KCNC3: variants seen among roughly 807,000 people sequenced by gnomAD.
The protein encoded by KCNC3 is voltage-gated potassium channel KCNC3.
In KCNC3, 22 loss-of-function variants were observed where a neutral mutation model predicts 43.9. That is an observed-to-expected ratio of 0.50 (90% CI 0.36 to 0.72). The LOEUF (loss-of-function observed/expected upper bound fraction) is 0.72, where lower values mean the gene tolerates loss of function less well. Ranked by LOEUF, KCNC3 falls within the 30% of genes least tolerant of loss-of-function variation. The pLI is 0.00. For missense variants in KCNC3, 829 were observed against 1,073.8 expected, an observed-to-expected ratio of 0.77 and a Z score of 3.19; for synonymous variants, 492 against 488.0, an observed-to-expected ratio of 1.01 and a Z score of -0.11.
rs2036948915 is a variant in KCNC3, at chr19:50,316,082, G to A, written c.*33C>T. ...CGAAAGTCTCGCGAGGTCTCAGGCG[G>A]TGACAAGAGCTGGGGACAGAAATAC... On this transcript the variant is annotated 3_prime_UTR_variant, in exon 5 of 5. Coordinates refer to ENST00000477616, the MANE Select transcript of KCNC3 (RefSeq NM_004977.3). 2.5e-6 allele frequency: 1 copy of A among 403,084 alleles called. No individual in the cohort carries two copies. The highest frequency in any genetic ancestry group is 4.6e-6 in the Non-Finnish European group (1 of 218,568). The allele number at this position is 403,084 out of a possible 1,614,324, so 25.0% of individuals were successfully genotyped here.
At position 50,320,329 on chromosome 19, in the gene KCNC3, G is replaced by T; in HGVS notation, c.2191C>A (p.Pro731Thr). The change falls in exon 4 of 5, where the codon CCC (proline) becomes ACC (threonine). Residue 731 changes from proline (P) to threonine (T), a missense_variant. Coordinates refer to ENST00000477616, the MANE Select transcript of KCNC3 (RefSeq NM_004977.3). Reference protein sequence around the residue: ...IRKATGAPPLPPQDWRKPGPP... With the variant: ...IRKATGAPPLTPQDWRKPGPP... ...CCTGGCTTACGCCAGTCTTGGGGGGGCAGTGGGGGAGCACCAGTGGCTGGG... is the reference window on the plus strand; with the variant it reads ...CCTGGCTTACGCCAGTCTTGGGGGGTCAGTGGGGGAGCACCAGTGGCTGGG... 1 of 387,074 alleles carries T rather than the reference G, an allele frequency of 2.6e-6. No individual in the cohort carries two copies. Among genetic ancestry groups the T allele is most frequent in the East Asian group, 6.3e-5 (1 of 15,816 alleles). The allele number at this position is 387,074 out of a possible 1,614,324, so 24.0% of individuals were successfully genotyped here. A position where few individuals can be genotyped will look rare whatever the true frequency, so the allele number is the denominator to read the frequency against.
At chr19:50,318,883 C>A (rs931437611) in intron 4 of KCNC3, among the ~76,000 whole-genome samples, 1 of 151,282 alleles carries the variant, frequency 6.6e-6, no homozygotes, top group Admixed American at 6.6e-5. Flanking sequence ...TCAAGACCAA[C>A]CTGGCCAACA....
upstream of KCNC3, among the ~76,000 whole-genome samples, chr19:50,333,031 C>A (rs944432723): frequency 1.5e-4 from 23 of 152,172 alleles, no homozygotes; most frequent in Non-Finnish European, 1.3e-4. Flanking sequence ...CCCCTAAAAC[C>A]CTCCAAGTAC....
At position 50,313,317 on chromosome 19, in the gene KCNC3, C is replaced by T. The variant is rs1329669572; in HGVS notation, c.*2798G>A. 1 of 152,226 alleles carries T rather than the reference C, an allele frequency of 6.6e-6. No homozygotes were observed. The highest frequency in any genetic ancestry group is 1.5e-5 in the Non-Finnish European group (1 of 68,046). 9.4% of individuals were successfully genotyped at this position (152,226 alleles called of 1,614,324 possible). ...CTTCGGGAACAGCCTCTGTGATCATCTGTGGACTACTTTAAATGGAAACAC... is the reference window on the plus strand; with the variant it reads ...CTTCGGGAACAGCCTCTGTGATCATTTGTGGACTACTTTAAATGGAAACAC... On this transcript the variant is annotated 3_prime_UTR_variant, in exon 5 of 5. Transcript: ENST00000477616.
chr19:50,328,854 T>C lies in KCNC3; in HGVS notation c.229A>G (p.Met77Val). 1 of 1,410,736 alleles carries C rather than the reference T, an allele frequency of 7.1e-7. No individual in the cohort carries two copies. Among genetic ancestry groups the C allele is most frequent in the Non-Finnish European group, 9.2e-7 (1 of 1,084,174 alleles). The allele number at this position is 1,410,736 out of a possible 1,614,324, so 87.4% of individuals were successfully genotyped here. A position where few individuals can be genotyped will look rare whatever the true frequency, so the allele number is the denominator to read the frequency against. The change falls in exon 1 of 5, where the codon ATG becomes GTG. Residue 77 changes from methionine (M) to valine (V), a missense_variant. Coordinates refer to ENST00000477616, the MANE Select transcript of KCNC3 (RefSeq NM_004977.3). ...CCACCGCCGCCGCCGTGCCGCCCCA[T>C]GGCCGCCGCCGGCAGCCCGGGGCAT... Reference protein sequence around the residue: ...EPCPGLPAAAMGRHGGGGGDS... With the variant: ...EPCPGLPAAAVGRHGGGGGDS...
chr19:50,320,056 G>A (rs1226568184), intron 4 of KCNC3, among the ~76,000 whole-genome samples, 167 bp downstream of exon 4: 1 of 146,382 alleles, frequency 6.8e-6, no homozygotes, highest in African/African-American at 2.6e-5. Context: ...GTCCTGGGTA[G>A]GTGGGTGTGG....
intron 2 of KCNC3, among the ~76,000 whole-genome samples, chr19:50,321,337 A>T (rs1266567719): frequency 6.6e-6 from 1 of 152,052 alleles, no homozygotes; most frequent in African/African-American, 2.4e-5. Context: ...GTATAGTAGT[A>T]CACGCCTATA....
In KCNC3 at chr19:50,328,400, G is replaced by C. The variant is rs1201463555; in HGVS notation, c.683C>G (p.Ala228Gly). Residue 228 changes from alanine to glycine, a missense_variant, in exon 1 of 5, where the codon GCG (alanine) becomes GGG (glycine). Ala to Gly is a moderately conservative substitution (Grantham distance 60). This residue lies in a region of KCNC3 where 60 missense variants were observed against 56.0 expected (regional missense o/e 1.07). Coordinates refer to ENST00000477616, the MANE Select transcript of KCNC3 (RefSeq NM_004977.3). ...GAHDGGLDDE[A>G]GAGGGGLDGA... is the part of the protein sequence containing the mutation. ...GTCCAGGCCGCCGCCGCCCGCGCCC[G>C]CCTCGTCGTCCAGGCCTCCGTCGTG... 1 of 1,259,636 alleles carries C rather than the reference G, an allele frequency of 7.9e-7. No homozygotes were observed. The allele number at this position is 1,259,636 out of a possible 1,614,324, so 78.0% of individuals were successfully genotyped here. A position where few individuals can be genotyped will look rare whatever the true frequency, so the allele number is the denominator to read the frequency against.
In KCNC3 at chr19:50,320,742, T is replaced by A. The variant is rs780193202; in HGVS notation, c.2021A>T (p.His674Leu). 6.2e-7 allele frequency: 1 copy of A among 1,613,872 alleles called. No individual in the cohort carries two copies. The highest frequency in any genetic ancestry group is 8.5e-7 in the Non-Finnish European group (1 of 1,179,936). ...NGDPAAAALA[H>L]EDCPAIDQPA... ...CTGGTCAATGGCTGGGCAGTCCTCG[T>A]GGGCAAGCGCAGCTGCTGCCGGATC... The change falls in exon 3 of 5, where the codon CAC (histidine) becomes CTC (leucine). Residue 674 changes from histidine to leucine, a missense_variant. Physicochemically the swap from His to Leu is moderately conservative, Grantham distance 99. Transcript: ENST00000477616.
chr19:50,316,349 G>A (rs1401107678), intron 4 of KCNC3, among the ~76,000 whole-genome samples: 1 of 151,918 alleles, frequency 6.6e-6, no homozygotes, highest in Non-Finnish European at 1.5e-5. Flanking sequence ...AGGAGTGGGA[G>A]CCAGTGATCA....
At position 50,323,456 on chromosome 19, in the gene KCNC3, G is replaced by T; in HGVS notation, c.1497C>A (p.Val499=). ...CTCCATAGCCCAGGGTCGTCATGGT[G>T]ACCACAGCCCACCAGAAGCCAATGG... The part of the protein sequence containing the change: ...NIPIGFWWAV[V]TMTTLGYGDM... The change falls in exon 2 of 5, where the codon GTC becomes GTA. Residue 499 remains valine (V), a synonymous_variant. Coordinates refer to ENST00000477616, the MANE Select transcript of KCNC3 (RefSeq NM_004977.3). 6.2e-7 allele frequency: 1 copy of T among 1,614,238 alleles called. No homozygotes were observed. The highest frequency in any genetic ancestry group is 1.7e-5 in the Admixed American group (1 of 60,030).
At chr19:50,321,777 G>GA (rs895495614) in intron 2 of KCNC3, among the ~76,000 whole-genome samples, 18 of 145,720 alleles carry the variant, frequency 1.2e-4, no homozygotes, top group South Asian at 2.2e-4. Flanking sequence ...CTTGGAATAA[G>GA]AAAAAAAAAA....
chr19:50,323,838 T>A lies in KCNC3; in HGVS notation c.1115A>T (p.Asp372Val). 6.2e-7 allele frequency: 1 copy of A among 1,614,152 alleles called. No homozygotes were observed. ...EFLMRITFCPDKVEFLKSSLN... is the reference protein window; with the variant it reads ...EFLMRITFCPVKVEFLKSSLN... ...GCTGCTTTTAAGAAACTCCACCTTG[T>A]CTGGGCAGAAGGTGATGCGCATGAG... The change falls in exon 2 of 5, where the codon GAC becomes GTC. Residue 372 changes from aspartate (D) to valine (V), a missense_variant. Asp to Val is a radical substitution (Grantham distance 152, BLOSUM62 -3). Coordinates refer to ENST00000477616, the MANE Select transcript of KCNC3 (RefSeq NM_004977.3).
intron 1 of KCNC3, among the ~76,000 whole-genome samples, chr19:50,326,732 G>C (rs1165338221): frequency 6.6e-6 from 1 of 151,604 alleles, no homozygotes; most frequent in African/African-American, 2.4e-5. Context: ...AGGAGGAAAT[G>C]GTTCAGGAGA....
chr19:50,329,654 C>G (rs913200754), upstream of KCNC3: 5 of 152,242 alleles, frequency 3.3e-5, no homozygotes, highest in Non-Finnish European at 2.9e-5. Flanking sequence ...AGGAGCATTG[C>G]TTGGAAGAGA....
In KCNC3 at chr19:50,315,185, G is replaced by C. The variant is rs1183949288; in HGVS notation, c.*930C>G. Among the ~76,000 whole-genome samples, 1 of 152,070 alleles carries C rather than the reference G, an allele frequency of 6.6e-6. No homozygotes were observed. The highest frequency in any genetic ancestry group is 2.4e-5 in the African/African-American group (1 of 41,374). On this transcript the variant is annotated 3_prime_UTR_variant, in exon 5 of 5. Coordinates refer to ENST00000477616, the MANE Select transcript of KCNC3 (RefSeq NM_004977.3). ...AGGCAGACAGAGACACAAAAGGACG[G>C]ATGACAAGAGACAGATGGACAGAGA...
At position 50,328,756 on chromosome 19, in the gene KCNC3, C is replaced by A; in HGVS notation, c.327G>T (p.Leu109=). Residue 109 remains leucine (L), a synonymous_variant, in exon 1 of 5, where the codon CTG becomes CTT. Transcript: ENST00000477616. ...HETYRSTLRT[L]PGTRLAGLTE... The stretch of plus-strand genomic sequence containing the variant: ...TCAGGCCGGCCAGCCGCGTCCCCGG[C>A]AGGGTGCGCAGCGTCGAGCGGTACG... 1.3e-6 allele frequency: 2 copies of A among 1,590,300 alleles called. No homozygotes were observed. The highest frequency in any genetic ancestry group is 1.7e-6 in the Non-Finnish European group (2 of 1,169,188).
chr19:50,318,454 T>C (rs2123521951), intron 4 of KCNC3, among the ~76,000 whole-genome samples: 1 of 152,270 alleles, frequency 6.6e-6, no homozygotes, highest in African/African-American at 2.4e-5. Flanking sequence ...GGATTACAGA[T>C]GTGAGCCACC....
chr19:50,318,365 G>A (rs190630009), intron 4 of KCNC3, among the ~76,000 whole-genome samples: 2 of 150,594 alleles, frequency 1.3e-5, no homozygotes, highest in East Asian at 4.0e-4. Flanking sequence ...AGTAGAGATG[G>A]GGTTTCACCA....
Sources: gnomAD v4.1 joint callset for allele counts (sites outside exome capture counted in the v4.1 genomes callset) on GRCh38, gnomAD v4.1.1 for gene constraint, gnomAD v4.1.1 regional missense constraint, MANE v1.5 for transcripts, NCBI Gene and HGNC (gene_info 2026-07-23, HGNC 2026-07-21) for gene names.